CHIC1: variants seen among roughly 807,000 people sequenced by gnomAD.
CHIC1 encodes cysteine-rich hydrophobic domain-containing protein 1.
In CHIC1, 7 loss-of-function variants were observed where a neutral mutation model predicts 18.5. The ratio of observed to expected loss-of-function variants is 0.38; its 90% CI spans 0.22 to 0.71. The LOEUF (loss-of-function observed/expected upper bound fraction) is 0.71. Ranked by LOEUF, CHIC1 falls within the 30% of genes least tolerant of loss-of-function variation. CHIC1 has a pLI of 0.49. For synonymous variants in CHIC1, 77 were observed against 73.5 expected, an observed-to-expected ratio of 1.05 and a Z score of -0.25; for missense variants, 159 against 176.9, an observed-to-expected ratio of 0.90 and a Z score of 0.57.
intron 3 of CHIC1, among the ~76,000 whole-genome samples, chrX:73,609,911 T>C (rs1309368144): frequency 9.2e-6 from 1 of 108,738 alleles, no homozygotes; most frequent in Non-Finnish European, 1.9e-5. Context: ...TTTAACTACA[T>C]GTCTCGCTGG....
At chrX:73,665,104 C>A (rs867061813) in intron 3 of CHIC1, among the ~76,000 whole-genome samples, 3 of 112,187 alleles carry the variant, frequency 2.7e-5, no homozygotes, top group Non-Finnish European at 5.6e-5. Context: ...ATGCCACTTG[C>A]CTAAGACAGG....
chrX:73,640,569 C>T (rs764792892), intron 3 of CHIC1, among the ~76,000 whole-genome samples: 2 of 111,686 alleles, frequency 1.8e-5, no homozygotes, highest in Admixed American at 1.9e-4. Context: ...TTTCTTCCTT[C>T]TTCAGTCTGG....
At chrX:73,595,239 A>G (rs2057601549) in intron 3 of CHIC1, among the ~76,000 whole-genome samples, 1 of 110,992 alleles carries the variant, frequency 9.0e-6, no homozygotes, top group Admixed American at 9.6e-5. Flanking sequence ...TGTGTTACAT[A>G]GCTATACACG....
chrX:73,574,257 T>C (rs1007593626), intron 1 of CHIC1, among the ~76,000 whole-genome samples: 1 of 111,136 alleles, frequency 9.0e-6, no homozygotes, highest in Admixed American at 9.5e-5. Flanking sequence ...TGAACCAACC[T>C]TGCATCCCAG....
At chrX:73,626,067 G>T (rs1375347995) in intron 3 of CHIC1, among the ~76,000 whole-genome samples, 2 of 111,158 alleles carry the variant, frequency 1.8e-5, no homozygotes, top group African/African-American at 6.5e-5. Context: ...CCAAGAGAGG[G>T]TTCTTGGAGC....
At chrX:73,652,831 A>G (rs1381425692) in intron 3 of CHIC1, among the ~76,000 whole-genome samples, 1 of 112,023 alleles carries the variant, frequency 8.9e-6, no homozygotes, top group African/African-American at 3.2e-5. Flanking sequence ...TGATTCCTCA[A>G]GGACCTAGAA....
At chrX:73,639,552 C>T (rs1194681989) in intron 3 of CHIC1, among the ~76,000 whole-genome samples, 1 of 111,977 alleles carries the variant, frequency 8.9e-6, no homozygotes. Flanking sequence ...GCTTTTGTTG[C>T]AGTTACTTTT....
chrX:73,680,919 A>G (rs2058095830), intron 5 of CHIC1, 36 bp from the exon 6 acceptor site: 2 of 768,125 alleles, frequency 2.6e-6, no homozygotes, highest in African/African-American at 2.1e-5. Context: ...TAAATGAAAA[A>G]TATTTTGTAA....
intron 1 of CHIC1, among the ~76,000 whole-genome samples, chrX:73,575,277 T>G (rs1197863648): frequency 1.8e-5 from 2 of 110,383 alleles, no homozygotes; most frequent in African/African-American, 3.3e-5. Flanking sequence ...TTAAATTTTT[T>G]TCTGGTTGTT....
rs1425468597 is a variant in CHIC1, at chrX:73,684,943, C to G, written c.*3938C>G. Reference sequence around the variant, plus strand: ...ATGTTCCATTTTCTGTGAACTTTGTCAAATTCATACTATATGAGGAAATGA... The same window carrying G: ...ATGTTCCATTTTCTGTGAACTTTGTGAAATTCATACTATATGAGGAAATGA... On this transcript the variant is annotated 3_prime_UTR_variant, in exon 6 of 6. Coordinates refer to ENST00000373502, the MANE Select transcript of CHIC1 (RefSeq NM_001039840.4). The G allele has an allele frequency of 1.8e-5, 2 of 110,733 alleles. No individual in the cohort carries two copies. Among genetic ancestry groups the G allele is most frequent in the Admixed American group, 1.9e-4 (2 of 10,326 alleles). 9.1% of individuals were successfully genotyped at this position (110,733 alleles called of 1,213,427 possible).
At position 73,682,221 on chromosome X, in the gene CHIC1, C is replaced by T. The variant is rs1603351695; in HGVS notation, c.*1216C>T. Reference sequence around the variant, plus strand: ...TAATGAGGAAAGACAAGTGTTTAGACAAAAGTATTTTAGTTTATAAATTCA... The same window carrying T: ...TAATGAGGAAAGACAAGTGTTTAGATAAAAGTATTTTAGTTTATAAATTCA... On this transcript the variant is annotated 3_prime_UTR_variant, in exon 6 of 6. Coordinates refer to ENST00000373502, the MANE Select transcript of CHIC1 (RefSeq NM_001039840.4). 1 of 111,537 alleles carries T rather than the reference C, an allele frequency of 9.0e-6. No homozygotes were observed. Among genetic ancestry groups the T allele is most frequent in the East Asian group, 2.8e-4 (1 of 3,567 alleles). 9.2% of individuals were successfully genotyped at this position (111,537 alleles called of 1,213,427 possible).
chrX:73,564,791 G>GTTTTTTTT (rs370930878), intron 1 of CHIC1, among the ~76,000 whole-genome samples: 5 of 58,370 alleles, frequency 8.6e-5, no homozygotes, highest in Admixed American at 2.3e-4. Flanking sequence ...AACATGTTGA[G>GTTTTTTTT]TTTTTTTTTT....
intron 3 of CHIC1, among the ~76,000 whole-genome samples, chrX:73,662,169 C>T (rs1015349850): frequency 9.0e-6 from 1 of 110,570 alleles, no homozygotes; most frequent in African/African-American, 3.3e-5. Flanking sequence ...TCAGAAAGTG[C>T]TATTTGCAGG....
intron 3 of CHIC1, among the ~76,000 whole-genome samples, chrX:73,635,020 A>G (rs1456171326): frequency 9.0e-6 from 1 of 110,800 alleles, no homozygotes; most frequent in Non-Finnish European, 1.9e-5. Flanking sequence ...ATTCTCATCT[A>G]TGGGTGGTTG....
chrX:73,630,114 C>T (rs2057800633), intron 3 of CHIC1, among the ~76,000 whole-genome samples: 1 of 111,730 alleles, frequency 9.0e-6, no homozygotes, highest in African/African-American at 3.2e-5. Context: ...GTATTCAAAC[C>T]TTTACTGAAT....
intron 3 of CHIC1, among the ~76,000 whole-genome samples, chrX:73,638,985 A>G (rs2057843091): frequency 1.8e-5 from 2 of 111,866 alleles, no homozygotes; most frequent in South Asian, 7.5e-4. Context: ...TGCAGTGAAC[A>G]TATGTGTGCA....
intron 3 of CHIC1, among the ~76,000 whole-genome samples, chrX:73,647,406 C>T (rs1308336881): frequency 8.9e-6 from 1 of 112,153 alleles, no homozygotes; most frequent in African/African-American, 3.2e-5. Flanking sequence ...ATTGAGCTCC[C>T]TGGGGGGAGA....
intron 3 of CHIC1, among the ~76,000 whole-genome samples, chrX:73,672,185 T>C (rs1344970509): frequency 1.8e-5 from 2 of 112,028 alleles, no homozygotes; most frequent in Non-Finnish European, 3.8e-5. Context: ...ACATTTGGGT[T>C]GGTTCCAAGT....
At chrX:73,616,279 A>G (rs998355704) in intron 3 of CHIC1, among the ~76,000 whole-genome samples, 2 of 111,562 alleles carry the variant, frequency 1.8e-5, no homozygotes, top group African/African-American at 6.5e-5. Flanking sequence ...CTGGAATTGC[A>G]GTAGTCTGCA....
Sources: gnomAD v4.1 joint callset for allele counts (sites outside exome capture counted in the v4.1 genomes callset) on GRCh38, gnomAD v4.1.1 for gene constraint, MANE v1.5 for transcripts, NCBI Gene and HGNC (gene_info 2026-07-23, HGNC 2026-07-21) for gene names.